Variants in ITFG1 observed in about 807,000 individuals in gnomAD.
The protein encoded by ITFG1 is integrin alpha FG-GAP repeat containing 1.
ITFG1 carries 34 observed loss-of-function variants against 81.8 expected under a neutral mutation model. That is an observed-to-expected ratio of 0.42 (90% confidence interval 0.32 to 0.55). The LOEUF is 0.55. ITFG1 is among the 20% of genes least tolerant of loss of function. ITFG1 has a pLI of 0.17. For missense variants in ITFG1, 672 were observed against 755.4 expected, an observed-to-expected ratio of 0.89 and a Z score of 1.29; for synonymous variants, 285 against 270.6, an observed-to-expected ratio of 1.05 and a Z score of -0.52.
At chr16:47,188,185 C>T (rs1488155330) in intron 14 of ITFG1, among the ~76,000 whole-genome samples, 200 of 150,754 alleles carry the variant, frequency 1.3e-3, no homozygotes, top group Non-Finnish European at 2.4e-3. Context: ...CTAGTTCAAC[C>T]ATTGTGGAAG....
At chr16:47,403,874 C>A (rs1192025167) in intron 6 of ITFG1, among the ~76,000 whole-genome samples, 1 of 151,166 alleles carries the variant, frequency 6.6e-6, no homozygotes, top group Non-Finnish European at 1.5e-5. Context: ...ACCCCCAGGC[C>A]ATGGACCAGA....
chr16:47,438,423 G>C (rs571778369), intron 5 of ITFG1, among the ~76,000 whole-genome samples: 1 of 152,158 alleles, frequency 6.6e-6, no homozygotes, highest in Non-Finnish European at 1.5e-5. Flanking sequence ...TAGCCTAACT[G>C]GGAGGCACCC....
intron 8 of ITFG1, among the ~76,000 whole-genome samples, chr16:47,326,573 C>T (rs1012087956): frequency 2.6e-5 from 4 of 152,240 alleles, no homozygotes; most frequent in Admixed American, 6.5e-5. Flanking sequence ...ATCTAGAAAA[C>T]CCCATCGTCT....
In ITFG1 at chr16:47,311,271, C is replaced by T. The variant is rs541799916; in HGVS notation, c.1039G>A (p.Ala347Thr). The change falls in exon 10 of 18, where the codon GCT (alanine) becomes ACT (threonine). Residue 347 changes from alanine to threonine, a missense_variant. Physicochemically the swap from Ala to Thr is moderately conservative, Grantham distance 58. Transcript: ENST00000320640. ...GATGTGTTCTTTAGTATGACCAGAG[C>T]GTCTGGATAGCCATCCATATTGTAG... ...GDYNMDGYPDALVILKNTSGS... is the reference protein window; with the variant it reads ...GDYNMDGYPDTLVILKNTSGS... 2.2e-5 allele frequency: 35 copies of T among 1,611,850 alleles called. No homozygotes were observed. The highest frequency in any genetic ancestry group is 1.7e-4 in the Middle Eastern group (1 of 6,056).
chr16:47,297,177 A>G (rs567312980), intron 10 of ITFG1, among the ~76,000 whole-genome samples: 241 of 152,162 alleles, frequency 1.6e-3, no homozygotes, highest in Non-Finnish European at 2.2e-3. Flanking sequence ...ATAAAATGAC[A>G]TTCTTTCTTT....
chr16:47,372,184 T>C (rs534698842), intron 7 of ITFG1, among the ~76,000 whole-genome samples: 1 of 152,190 alleles, frequency 6.6e-6, no homozygotes, highest in African/African-American at 2.4e-5. Flanking sequence ...ACTTTCTTCC[T>C]TGAGTTCTGT....
chr16:47,435,309 T>C (rs1245599869), intron 5 of ITFG1, among the ~76,000 whole-genome samples: 1 of 152,070 alleles, frequency 6.6e-6, no homozygotes, highest in Non-Finnish European at 1.5e-5. Flanking sequence ...TGTGCCCAAC[T>C]CCATTTGAAG....
chr16:47,350,056 T>G (rs1235980608), intron 8 of ITFG1, among the ~76,000 whole-genome samples: 1 of 152,102 alleles, frequency 6.6e-6, no homozygotes, highest in Non-Finnish European at 1.5e-5. Context: ...CTGGGACACA[T>G]TCAAAGCAGT....
At chr16:47,275,456 A>G (rs527692529) in intron 10 of ITFG1, among the ~76,000 whole-genome samples, 2 of 152,314 alleles carry the variant, frequency 1.3e-5, no homozygotes, top group East Asian at 3.8e-4. Flanking sequence ...TCACACAAGC[A>G]TAGCTTCTCA....
intron 6 of ITFG1, among the ~76,000 whole-genome samples, chr16:47,410,162 C>G (rs1345677213): frequency 6.6e-6 from 1 of 151,874 alleles, no homozygotes; most frequent in East Asian, 1.9e-4. Flanking sequence ...ACCTGTAGTC[C>G]CAGCTACTCA....
intron 6 of ITFG1, among the ~76,000 whole-genome samples, chr16:47,414,413 C>A (rs1260487216): frequency 1.3e-5 from 2 of 152,092 alleles, no homozygotes; most frequent in East Asian, 3.9e-4. Context: ...GTAATTCCAG[C>A]TACTAGGGAG....
At chr16:47,188,661 C>G (rs529933573) in intron 14 of ITFG1, among the ~76,000 whole-genome samples, 1 of 149,408 alleles carries the variant, frequency 6.7e-6, no homozygotes, top group Non-Finnish European at 1.5e-5. Flanking sequence ...GGGAGATATA[C>G]CTAATGCTAG....
intron 14 of ITFG1, among the ~76,000 whole-genome samples, chr16:47,163,110 A>T (rs757921089): frequency 6.6e-6 from 1 of 152,194 alleles, no homozygotes; most frequent in Non-Finnish European, 1.5e-5. Context: ...CCAATGATTC[A>T]CTTTTTAAAG....
At chr16:47,190,962 A>G (rs937116437) in intron 14 of ITFG1, among the ~76,000 whole-genome samples, 2 of 152,040 alleles carry the variant, frequency 1.3e-5, no homozygotes, top group African/African-American at 4.8e-5. Context: ...CTTTTTTCAC[A>G]TGCTATCTCA....
intron 8 of ITFG1, among the ~76,000 whole-genome samples, chr16:47,332,748 C>T (rs755602477): frequency 6.6e-6 from 1 of 152,106 alleles, no homozygotes; most frequent in Non-Finnish European, 1.5e-5. Context: ...GTCATGGGGT[C>T]CTTCAACCCA....
chr16:47,351,668 A>C (rs1967957650), intron 8 of ITFG1, among the ~76,000 whole-genome samples: 1 of 152,242 alleles, frequency 6.6e-6, no homozygotes, highest in South Asian at 2.1e-4. Context: ...TGCCATCCGC[A>C]TCAAGCTACC....
chr16:47,252,129 G>GA (rs1354084435), intron 12 of ITFG1, among the ~76,000 whole-genome samples: 10 of 152,064 alleles, frequency 6.6e-5, no homozygotes, highest in Non-Finnish European at 1.2e-4. Flanking sequence ...TTCACCAAAA[G>GA]AAATAGGGGA....
At chr16:47,360,235 C>T (rs768466348) in intron 8 of ITFG1, among the ~76,000 whole-genome samples, 1 of 152,184 alleles carries the variant, frequency 6.6e-6, no homozygotes, top group African/African-American at 2.4e-5. Flanking sequence ...GCAGCACTTA[C>T]ATCTAATTTG....
At chr16:47,339,613 G>T (rs1485226553) in intron 8 of ITFG1, among the ~76,000 whole-genome samples, 1 of 152,088 alleles carries the variant, frequency 6.6e-6, no homozygotes, top group East Asian at 1.9e-4. Flanking sequence ...CTCAACAGCA[G>T]ATTTGAACAG....
Sources: allele counts gnomAD v4.1 joint callset (sites outside exome capture counted in the v4.1 genomes callset), GRCh38; gene constraint gnomAD v4.1.1; transcripts MANE v1.5; gene names NCBI Gene and HGNC (gene_info 2026-07-23, HGNC 2026-07-21).